Variants in MELTF observed in about 807,000 individuals in gnomAD.
The protein encoded by MELTF is antigen p97 (melanoma associated) identified by monoclonal antibodies 133.2 and 96.5.
In MELTF, 67 loss-of-function variants were observed where a neutral mutation model predicts 83.7. The observed-to-expected ratio is 0.80, with a 90% CI of 0.66 to 0.98. MELTF has a LOEUF of 0.98. Ranked by LOEUF, MELTF falls within the 50% of genes least tolerant of loss-of-function variation. The probability of loss-of-function intolerance (pLI) is 0.00; values close to 1 mark genes in which losing one functional copy is unlikely to be tolerated. For synonymous variants in MELTF, 462 were observed against 447.6 expected, an observed-to-expected ratio of 1.03 and a Z score of -0.41; for missense variants, 1,002 against 1,035.6, an observed-to-expected ratio of 0.97 and a Z score of 0.44.
At position 197,011,607 on chromosome 3, in the gene MELTF, G is replaced by A. The variant is rs1036972308; in HGVS notation, c.1234-813C>T. On this transcript the variant is annotated intron_variant, in intron 9 of 15. Transcript: ENST00000296350. This position sits in a 1 kb window ranked among gnomAD's most constrained non-coding sequence, Gnocchi z 4.2. ...ACAGGCAGCGGCGTTGATATTTGGG[G>A]CCAGGAGGGTGCACAGCTCGGGGCC... 1.3e-5 allele frequency among the ~76,000 whole-genome samples: 2 copies of A among 152,142 alleles called. No homozygotes were observed. Among genetic ancestry groups the A allele is most frequent in the African/African-American group, 4.8e-5 (2 of 41,448 alleles).
chr3:197,010,926 G>A, intron 9 of MELTF, 132 bp from the exon 10 acceptor site: 1 of 745,312 alleles, frequency 1.3e-6, no homozygotes, highest in South Asian at 1.6e-5. Flanking sequence ...TGGGGAATGT[G>A]GGTGGGGAGT....
chr3:197,017,815 T>A (rs187390731), intron 6 of MELTF, among the ~76,000 whole-genome samples: 2 of 152,038 alleles, frequency 1.3e-5, no homozygotes, highest in Admixed American at 1.3e-4. Context: ...AGGCGGAGCT[T>A]GCAGTGAGCC....
chr3:197,009,762 T>C lies in MELTF; in HGVS notation c.1381A>G (p.Ser461Gly), dbSNP rs962695329. The C allele has an allele frequency of 6.2e-7, 1 of 1,613,330 alleles. No individual in the cohort carries two copies. Among genetic ancestry groups the C allele is most frequent in the Admixed American group, 1.7e-5 (1 of 60,006 alleles). ...YYVVAVVRRD[S>G]SHAFTLDELR... ...TCATCCAAGGTGAAGGCGTGGGAGC[T>C]GTCCCGTCTCACCACGGCCACCACG... Residue 461 changes from serine to glycine, a missense_variant, in exon 11 of 16, where the codon AGC (serine) becomes GGC (glycine). Transcript: ENST00000296350.
rs1436351934 is a variant in MELTF, at chr3:197,003,433, GC to G, written c.2155del (p.Ala719ArgfsTer77). On this transcript the variant is annotated frameshift_variant, in exon 16 of 16. Transcript: ENST00000296350. LOFTEE classifies it low-confidence loss of function (END_TRUNC). This position sits in a 1 kb window ranked among gnomAD's most constrained non-coding sequence, Gnocchi z 6.2. ...CSGAAAPAPG[A>X]PLLPLLLPAL... is the part of the protein sequence containing the mutation. Reference sequence around the variant, plus strand: ...GGGCAGCAGCAGCGGGAGCAGGGGCGCCCCGGGCGCCGGGGCCGCTGGGGAC... The same window carrying G: ...GGGCAGCAGCAGCGGGAGCAGGGGCGCCCGGGCGCCGGGGCCGCTGGGGAC... 1.8e-6 allele frequency: 2 copies of G among 1,102,640 alleles called. No individual in the cohort carries two copies. The highest frequency in any genetic ancestry group is 5.2e-5 in the East Asian group (1 of 19,252). The allele number at this position is 1,102,640 out of a possible 1,614,324, so 68.3% of individuals were successfully genotyped here.
chr3:197,003,647 C>G lies in MELTF; in HGVS notation c.2138-196G>C. The G allele has an allele frequency of 1.5e-6, 1 of 663,212 alleles. No individual in the cohort carries two copies. The highest frequency in any genetic ancestry group is 1.8e-5 in the African/African-American group (1 of 55,150). The allele number at this position is 663,212 out of a possible 1,614,324, so 41.1% of individuals were successfully genotyped here. A position where few individuals can be genotyped will look rare whatever the true frequency, so the allele number is the denominator to read the frequency against. Reference sequence around the variant, plus strand: ...CAGCACACGCATGTCTCTGCCGTGGCCCCAGATCCTCCCCGCGCCGCCGTT... The same window carrying G: ...CAGCACACGCATGTCTCTGCCGTGGGCCCAGATCCTCCCCGCGCCGCCGTT... On this transcript the variant is annotated intron_variant, in intron 15 of 15. Coordinates refer to ENST00000296350, the MANE Select transcript of MELTF (RefSeq NM_005929.6). The surrounding 1 kb of genome is among the most constrained non-coding windows in gnomAD (Gnocchi z 6.2).
At position 197,008,473 on chromosome 3, in the gene MELTF, TG is replaced by T. The variant is rs948613110; in HGVS notation, c.1750+183del. The stretch of plus-strand genomic sequence containing the variant: ...CATGTATCCAGCACCCCTGGATGTG[TG>T]GTCTGAGGTCTGTTCTTACCCTGTG... On this transcript the variant is annotated intron_variant, in intron 13 of 15. Coordinates refer to ENST00000296350, the MANE Select transcript of MELTF (RefSeq NM_005929.6). The surrounding 1 kb of genome is among the most constrained non-coding windows in gnomAD (Gnocchi z 5.4). Among the ~76,000 whole-genome samples, 3 of 152,200 alleles carry T rather than the reference TG, an allele frequency of 2.0e-5. No individual in the cohort carries two copies. Among genetic ancestry groups the T allele is most frequent in the African/African-American group, 7.2e-5 (3 of 41,452 alleles).
At position 197,017,095 on chromosome 3, in the gene MELTF, G is replaced by A. The variant is rs1719406501; in HGVS notation, c.900+8C>T. ...GCTGTGCAGGTGGTTGGGGGACCCT[G>A]AGCCCACCTGGCCTTCGTTGAGCAG... On this transcript the variant is annotated splice_region_variant and intron_variant, in intron 7 of 15. Transcript: ENST00000296350. 3.7e-6 allele frequency: 6 copies of A among 1,609,802 alleles called. No individual in the cohort carries two copies. The highest frequency in any genetic ancestry group is 8.5e-7 in the Non-Finnish European group (1 of 1,179,000).
At chr3:197,015,856 G>A (rs1375435579) in intron 8 of MELTF, among the ~76,000 whole-genome samples, 1 of 152,188 alleles carries the variant, frequency 6.6e-6, no homozygotes, top group Non-Finnish European at 1.5e-5. Flanking sequence ...GTAGCCATGG[G>A]GTAGAGGCGG....
chr3:197,017,838 C>G (rs942732138), intron 6 of MELTF, among the ~76,000 whole-genome samples: 2 of 152,260 alleles, frequency 1.3e-5, no homozygotes, highest in East Asian at 3.9e-4. Flanking sequence ...GATCACGCCA[C>G]TGCACTCCAG....
At chr3:197,020,068 T>C (rs1338568456) in intron 6 of MELTF, among the ~76,000 whole-genome samples, 2 of 152,078 alleles carry the variant, frequency 1.3e-5, no homozygotes, top group Non-Finnish European at 2.9e-5. Flanking sequence ...AAAGAACAAA[T>C]TTTGCTGCAT....
In MELTF at chr3:197,022,912, AGCTCCTCCCTGCCCTCG is replaced by A. The variant is rs769623795; in HGVS notation, c.644+28_644+44del. 1.5e-5 allele frequency: 23 copies of A among 1,558,136 alleles called. No homozygotes were observed. The African/African-American group carries it at 1.9e-4, about 13-fold the overall frequency. ...GTTTTTCCCCAGCATTTGTGGCCTC[AGCTCCTCCCTGCCCTCG>A]GCCCCTCCCTGCCCCCACTCCGCTC... is the stretch of plus-strand genomic sequence containing the variant. On this transcript the variant is annotated intron_variant, in intron 5 of 15. Coordinates refer to ENST00000296350, the MANE Select transcript of MELTF (RefSeq NM_005929.6). This position sits in a 1 kb window ranked among gnomAD's most constrained non-coding sequence, Gnocchi z 5.1.
intron 14 of MELTF, among the ~76,000 whole-genome samples, chr3:197,005,229 G>A (rs1313666408): frequency 6.6e-6 from 1 of 152,164 alleles, no homozygotes; most frequent in Non-Finnish European, 1.5e-5. Flanking sequence ...ATTGGCTGTA[G>A]AGCACGAGAG....
Position 197,006,888 on chromosome 3 carries a change from G to T in MELTF, c.1751-152C>A, listed in dbSNP as rs1194566270. On this transcript the variant is annotated intron_variant, in intron 13 of 15. Coordinates refer to ENST00000296350, the MANE Select transcript of MELTF (RefSeq NM_005929.6). The surrounding 1 kb of genome is among the most constrained non-coding windows in gnomAD (Gnocchi z 5.4). The stretch of plus-strand genomic sequence containing the variant: ...ACCCTCTCCATTCTCCACGTGCTCT[G>T]CTGTGTTACCGGGGTGAAAGAACCC... 1.0e-5 allele frequency: 7 copies of T among 674,040 alleles called. No homozygotes were observed. Among genetic ancestry groups the T allele is most frequent in the Non-Finnish European group, 1.1e-5 (5 of 441,976 alleles). The allele number at this position is 674,040 out of a possible 1,614,324, so 41.8% of individuals were successfully genotyped here. A position where few individuals can be genotyped will look rare whatever the true frequency, so the allele number is the denominator to read the frequency against.
At chr3:197,005,655 C>T (rs1718946458) in intron 14 of MELTF, among the ~76,000 whole-genome samples, 1 of 152,138 alleles carries the variant, frequency 6.6e-6, no homozygotes, top group Admixed American at 6.5e-5. Flanking sequence ...GAAGGTGTTT[C>T]CAGGAGGAGG....
rs528716970 is a variant in MELTF at position 197,006,997 on chromosome 3, C to T, written c.1751-261G>A. Among the ~76,000 whole-genome samples the T allele has an allele frequency of 3.3e-4, 51 of 152,250 alleles. No individual in the cohort carries two copies. Among genetic ancestry groups the T allele is most frequent in the Middle Eastern group, 3.4e-3 (1 of 294 alleles). On this transcript the variant is annotated intron_variant, in intron 13 of 15. Transcript: ENST00000296350. This position sits in a 1 kb window ranked among gnomAD's most constrained non-coding sequence, Gnocchi z 5.4. ...TACTATGTGACAAGTACTTTACACG[C>T]GTTGCTTGATCCCCACAACAGTAAC...
chr3:197,008,896 C>T lies in MELTF; in HGVS notation c.1595G>A (p.Cys532Tyr), dbSNP rs1410330295. 1 of 1,614,048 alleles carries T rather than the reference C, an allele frequency of 6.2e-7. No individual in the cohort carries two copies. The highest frequency in any genetic ancestry group is 1.3e-5 in the African/African-American group (1 of 74,916). The change falls in exon 12 of 16, where the codon TGT becomes TAT. Residue 532 changes from cysteine to tyrosine, a missense_variant. By Grantham distance (194) the Cys-to-Tyr change is radical. Transcript: ENST00000296350. The surrounding 1 kb of genome is among the most constrained non-coding windows in gnomAD (Gnocchi z 5.4). ...CTGCTCGTCCCCCACGCACAGTGCA[C>T]ACAGCGAGGAGGGGTAGTTCTTGGG... ...NNPKNYPSSL[C>Y]ALCVGDEQGR...
chr3:197,005,519 G>A (rs1160118381), intron 14 of MELTF, among the ~76,000 whole-genome samples: 1 of 152,202 alleles, frequency 6.6e-6, no homozygotes, highest in Non-Finnish European at 1.5e-5. Context: ...AGGGAAGAGG[G>A]CTGAGAACTG....
chr3:197,022,955 AC>A lies in MELTF; in HGVS notation c.644+1del. The stretch of plus-strand genomic sequence containing the variant: ...GCCCCTCCCTGCCCCCACTCCGCTC[AC>A]CGGAAGGCCCCGCTGTAGTCGTAGT... On this transcript the variant is annotated splice_donor_variant, in intron 5 of 15. Coordinates refer to ENST00000296350, the MANE Select transcript of MELTF (RefSeq NM_005929.6). LOFTEE classifies it high-confidence loss of function. The surrounding 1 kb of genome is among the most constrained non-coding windows in gnomAD (Gnocchi z 5.1). 4 of 1,603,984 alleles carry A rather than the reference AC, an allele frequency of 2.5e-6. No individual in the cohort carries two copies. The highest frequency in any genetic ancestry group is 3.4e-6 in the Non-Finnish European group (4 of 1,176,272).
chr3:197,014,648 C>T (rs1198081130), intron 9 of MELTF, among the ~76,000 whole-genome samples: 2 of 152,104 alleles, frequency 1.3e-5, no homozygotes, highest in East Asian at 3.9e-4. Flanking sequence ...CCTTGGCCTC[C>T]CAAAGTGCTG....
Sources: allele counts gnomAD v4.1 joint callset (sites outside exome capture counted in the v4.1 genomes callset), GRCh38; gene constraint gnomAD v4.1.1; non-coding constraint Gnocchi (gnomAD v3.1); transcripts MANE v1.5; gene names NCBI Gene and HGNC (gene_info 2026-07-23, HGNC 2026-07-21).